The following DPP6 variants were observed in gnomAD, a reference collection of about 807,000 sequenced individuals.
DPP6 encodes A-type potassium channel modulatory protein DPP6.
Under a neutral mutation model 122.6 loss-of-function variants are expected in DPP6, and 69 were observed. The ratio of observed to expected loss-of-function variants is 0.56; its 90% confidence interval spans 0.46 to 0.69. DPP6 has a LOEUF of 0.69. DPP6 is among the 30% of genes least tolerant of loss of function. The probability of loss-of-function intolerance (pLI) is 0.00; values close to 1 mark genes in which losing one functional copy is unlikely to be tolerated. For synonymous variants in DPP6, 418 were observed against 433.1 expected (o/e 0.97, Z 0.43); for missense variants, 928 against 1,116.9 (o/e 0.83, Z 2.41).
chr7:153,787,856 T>C, the DPP6 span, among the ~76,000 whole-genome samples: 103 of 150,116 alleles, frequency 6.9e-4, no homozygotes, highest in African/African-American at 2.5e-3. Flanking sequence ...TTTTTTCCTG[T>C]TGTGTCTATC....
intron 1 of DPP6, among the ~76,000 whole-genome samples, chr7:154,136,968 A>G (rs1185473567): frequency 6.6e-6 from 1 of 152,220 alleles, no homozygotes; most frequent in Non-Finnish European, 1.5e-5. Flanking sequence ...CTTTACCTAT[A>G]GATAGGGTTG....
At chr7:154,136,621 TCTTC>T (rs1327194962) in intron 1 of DPP6, among the ~76,000 whole-genome samples, 1 of 149,008 alleles carries the variant, frequency 6.7e-6, no homozygotes, top group Non-Finnish European at 1.5e-5. Context: ...ACACATATCT[TCTTC>T]CTTATTACTC....
the DPP6 span, among the ~76,000 whole-genome samples, chr7:153,799,393 G>C: frequency 1.8e-4 from 28 of 152,110 alleles, no homozygotes; most frequent in Admixed American, 1.8e-3. Flanking sequence ...TGAGCTGAGT[G>C]GCTCCTAATC....
chr7:153,996,762 AC>A (rs1202734906), intron 1 of DPP6, among the ~76,000 whole-genome samples: 2 of 152,224 alleles, frequency 1.3e-5, no homozygotes, highest in South Asian at 2.1e-4. Flanking sequence ...TCTACAAACA[AC>A]AAAAGGTAAT....
intron 1 of DPP6, among the ~76,000 whole-genome samples, chr7:153,928,398 T>G (rs564229503): frequency 2.1e-4 from 8 of 38,980 alleles, no homozygotes; most frequent in African/African-American, 7.7e-4. Flanking sequence ...TTTCTTTCAT[T>G]TTTTTTTTTT....
chr7:154,058,633 CG>C, intron 1 of DPP6: 1 of 149,254 alleles, frequency 6.7e-6, no homozygotes, highest in South Asian at 2.1e-4. Context: ...GGACCCACAT[CG>C]TTGATCCTAA....
chr7:154,793,640 G>A (rs1797827097), intron 10 of DPP6: 1 of 154,352 alleles, frequency 6.5e-6, no homozygotes, highest in African/African-American at 2.4e-5. Flanking sequence ...GTCGCTCTCT[G>A]GGGCCTCCCG....
At chr7:154,225,288 G>GAATA in intron 1 of DPP6, among the ~76,000 whole-genome samples, 1 of 152,166 alleles carries the variant, frequency 6.6e-6, no homozygotes, top group South Asian at 2.1e-4. Flanking sequence ...ACTTTTCTTA[G>GAATA]AATAGTCTGC....
intron 16 of DPP6, among the ~76,000 whole-genome samples, chr7:154,840,910 A>T (rs1375452309): frequency 6.6e-6 from 1 of 152,128 alleles, no homozygotes; most frequent in South Asian, 2.1e-4. Flanking sequence ...CCACCCATTC[A>T]TCCTATCGGC....
chr7:153,929,365 C>T (rs1267595335), intron 1 of DPP6, among the ~76,000 whole-genome samples: 13 of 151,948 alleles, frequency 8.6e-5, no homozygotes, highest in Admixed American at 6.6e-4. Flanking sequence ...GCAGTTGCTT[C>T]GTGTTGTGAT....
At chr7:154,671,916 G>A (rs1838590045) in intron 7 of DPP6, among the ~76,000 whole-genome samples, 1 of 151,718 alleles carries the variant, frequency 6.6e-6, no homozygotes, top group Admixed American at 6.6e-5. Flanking sequence ...TGGGGCTTCA[G>A]GTTTCACCGT....
intron 5 of DPP6, among the ~76,000 whole-genome samples, chr7:154,598,244 C>T (rs1190463674): frequency 6.6e-6 from 1 of 152,156 alleles, no homozygotes; most frequent in African/African-American, 2.4e-5. Context: ...CTTAAATTTC[C>T]AGTCCTGATT....
chr7:154,377,448 T>C (rs1282797121), intron 1 of DPP6, among the ~76,000 whole-genome samples: 3 of 152,090 alleles, frequency 2.0e-5, no homozygotes, highest in African/African-American at 7.2e-5. Context: ...CTCTTGATCA[T>C]TGATATGATT....
intron 3 of DPP6, among the ~76,000 whole-genome samples, chr7:154,536,719 A>G (rs1366751597): frequency 1.3e-5 from 2 of 152,218 alleles, no homozygotes; most frequent in Non-Finnish European, 2.9e-5. Context: ...ACAGTGTAGT[A>G]TCAATGCAGG....
At chr7:154,023,136 C>G (rs538055191) in intron 1 of DPP6, among the ~76,000 whole-genome samples, 156 of 151,890 alleles carry the variant, frequency 1.0e-3, no homozygotes, top group African/African-American at 3.5e-3. Context: ...TTTAGTGAGT[C>G]CAGGACACCT....
At chr7:153,807,093 C>A in the DPP6 span, among the ~76,000 whole-genome samples, 6 of 151,748 alleles carry the variant, frequency 4.0e-5, no homozygotes, top group Non-Finnish European at 1.5e-5. Flanking sequence ...ACTGAAAATT[C>A]TGTTAGAGAT....
chr7:154,587,871 T>C (rs1332161861), intron 5 of DPP6: 1 of 1,612,914 alleles, frequency 6.2e-7, no homozygotes, highest in Admixed American at 1.7e-5. Flanking sequence ...CTGTTTCAGA[T>C]ATTCCATGGA....
At position 154,763,355 on chromosome 7, in the gene DPP6, G is replaced by GGA. The variant is rs5888592; in HGVS notation, c.884-6041_884-6040dup. Among the ~76,000 whole-genome samples, 828 of 146,142 alleles carry GGA rather than the reference G, an allele frequency of 5.7e-3. 2 individuals carry two copies. The highest frequency in any genetic ancestry group is 0.028 in the Middle Eastern group (8 of 284). The stretch of plus-strand genomic sequence containing the variant: ...TCAAAAAAAGGAAGGAAGGAAGGAA[G>GGA]GAGAGAGAGAGAGAGAGAGAGAAAG... On this transcript the variant is annotated intron_variant, in intron 8 of 25. Coordinates refer to ENST00000377770, the MANE Select transcript of DPP6 (RefSeq NM_130797.4).
intron 5 of DPP6, among the ~76,000 whole-genome samples, chr7:154,630,290 G>T (rs1254865600): frequency 6.6e-6 from 1 of 152,186 alleles, no homozygotes; most frequent in African/African-American, 2.4e-5. Flanking sequence ...GCACAGGCAG[G>T]CCAGACAGGG....
Sources: allele counts gnomAD v4.1 joint callset (sites outside exome capture counted in the v4.1 genomes callset), GRCh38; gene constraint gnomAD v4.1.1; transcripts MANE v1.5; gene names NCBI Gene and HGNC (gene_info 2026-07-23, HGNC 2026-07-21).